Variants in TNFRSF8 observed in about 807,000 individuals in gnomAD.
The protein encoded by TNFRSF8 is tumor necrosis factor receptor superfamily member 8.
A neutral mutation model predicts 70.8 loss-of-function variants in TNFRSF8; 26 were observed. That is an observed-to-expected ratio of 0.37 (90% CI 0.27 to 0.51). TNFRSF8 has a LOEUF of 0.51. Ranked by LOEUF, TNFRSF8 falls within the 20% of genes least tolerant of loss-of-function variation. The pLI, the probability that TNFRSF8 is intolerant of heterozygous loss-of-function variation, is 0.94. For synonymous variants in TNFRSF8, 356 were observed against 339.2 expected, an observed-to-expected ratio of 1.05 and a Z score of -0.54; for missense variants, 720 against 807.9, an observed-to-expected ratio of 0.89 and a Z score of 1.32.
chr1:12,067,371 G>A (rs1640760390), intron 1 of TNFRSF8, among the ~76,000 whole-genome samples: 1 of 152,122 alleles, frequency 6.6e-6, no homozygotes, highest in Non-Finnish European at 1.5e-5. Context: ...GTGCAGGCTG[G>A]GACCAGGAAG....
intron 7 of TNFRSF8, among the ~76,000 whole-genome samples, chr1:12,114,173 C>T (rs571363122): frequency 1.3e-5 from 2 of 152,274 alleles, no homozygotes; most frequent in East Asian, 3.9e-4. Flanking sequence ...AGCCTATAAC[C>T]TCAAGCAGGT....
chr1:12,073,861 G>T (rs780351434), intron 1 of TNFRSF8, among the ~76,000 whole-genome samples: 1 of 152,062 alleles, frequency 6.6e-6, no homozygotes, highest in Non-Finnish European at 1.5e-5. Context: ...CTCCCAAAGT[G>T]CTGGGACTTC....
chr1:12,096,992 G>GT (rs1050167298), intron 2 of TNFRSF8, 109 bp from the exon 3 acceptor site: 1 of 770,788 alleles, frequency 1.3e-6, no homozygotes, highest in Non-Finnish European at 2.2e-6. Flanking sequence ...GTTTTCGGGG[G>GT]TTGGAGGTGG....
chr1:12,064,848 G>C (rs1276959062), intron 1 of TNFRSF8, among the ~76,000 whole-genome samples: 1 of 152,208 alleles, frequency 6.6e-6, no homozygotes, highest in Non-Finnish European at 1.5e-5. Context: ...TCACCTGGGG[G>C]AAGGTAAGAG....
intron 1 of TNFRSF8, among the ~76,000 whole-genome samples, chr1:12,069,376 A>G (rs1458174549): frequency 6.7e-6 from 1 of 149,494 alleles, no homozygotes; most frequent in East Asian, 2.0e-4. Context: ...ACGGGATTTC[A>G]CCATGTTAGC....
At chr1:12,114,795 G>A (rs1239093968) in intron 7 of TNFRSF8, among the ~76,000 whole-genome samples, 6 of 134,264 alleles carry the variant, frequency 4.5e-5, no homozygotes, top group African/African-American at 1.4e-4. Flanking sequence ...TGCAACCTCT[G>A]CCTCCCAGGT....
intron 3 of TNFRSF8, among the ~76,000 whole-genome samples, chr1:12,098,042 C>T (rs1641360386): frequency 6.6e-6 from 1 of 152,070 alleles, no homozygotes. Flanking sequence ...ATTTTTGCTT[C>T]ATATATGTCA....
intron 11 of TNFRSF8, 30 bp from the exon 12 acceptor site, chr1:12,126,153 C>A (rs200231463): frequency 1.1e-4 from 185 of 1,613,854 alleles, no homozygotes; most frequent in Middle Eastern, 3.3e-4. Flanking sequence ...GAGGCCGCCA[C>A]CCCCAGCCTT....
intron 4 of TNFRSF8, among the ~76,000 whole-genome samples, chr1:12,107,940 C>T (rs1243366817): frequency 3.9e-5 from 6 of 152,006 alleles, no homozygotes; most frequent in African/African-American, 7.3e-5. Context: ...GTAAATTGCC[C>T]GCGGAGACAG....
chr1:12,133,707 T>C (rs1642094188), intron 12 of TNFRSF8, among the ~76,000 whole-genome samples: 2 of 137,664 alleles, frequency 1.5e-5, no homozygotes, highest in Admixed American at 1.6e-4. Flanking sequence ...GCTGCTGCAC[T>C]TCACCCTGGC....
intron 3 of TNFRSF8, among the ~76,000 whole-genome samples, chr1:12,102,535 G>A (rs816044): frequency 0.016 from 2,494 of 152,080 alleles, 59 homozygotes; most frequent in African/African-American, 0.057. Context: ...GTTTTGTTTT[G>A]TTTTGTTTGA....
intron 4 of TNFRSF8, among the ~76,000 whole-genome samples, chr1:12,106,271 C>T (rs1346749112): frequency 6.6e-6 from 1 of 152,138 alleles, no homozygotes; most frequent in East Asian, 1.9e-4. Context: ...GCTTCTCTGT[C>T]CCACCCGCCC....
At position 12,142,350 on chromosome 1, in the gene TNFRSF8, A is replaced by G; in HGVS notation, c.1607A>G (p.Glu536Gly). The change falls in exon 15 of 15, where the codon GAG (glutamate) becomes GGG (glycine). Residue 536 changes from glutamate (E) to glycine (G), a missense_variant. By Grantham distance (98) the Glu-to-Gly change is moderately conservative. Transcript: ENST00000263932. The surrounding 1 kb of genome is among the most constrained non-coding windows in gnomAD (Gnocchi z 5.0). The stretch of plus-strand genomic sequence containing the variant: ...GGGACCGTGAAGGCTGAGCTGCCGG[A>G]GGGCCGGGGCCTGGCGGGGCCAGCA... ...IVGTVKAELP[E>G]GRGLAGPAEP... 1.2e-6 allele frequency: 2 copies of G among 1,607,996 alleles called. No homozygotes were observed. The highest frequency in any genetic ancestry group is 4.5e-5 in the East Asian group (2 of 44,734).
At position 12,112,583 on chromosome 1, in the gene TNFRSF8, T is replaced by TG. The variant is rs1288646289; in HGVS notation, c.793+574dup. 2.0e-5 allele frequency among the ~76,000 whole-genome samples: 3 copies of TG among 152,062 alleles called. No homozygotes were observed. The highest frequency in any genetic ancestry group is 3.9e-4 in the East Asian group (2 of 5,192). ...TAAAAAAAATTTTTTTTCATACAGATGGGGGTCTCACTATGTTGCCCAGGC... is the reference window on the plus strand; with the variant it reads ...TAAAAAAAATTTTTTTTCATACAGATGGGGGGTCTCACTATGTTGCCCAGGC... On this transcript the variant is annotated intron_variant, in intron 7 of 14. Coordinates refer to ENST00000263932, the MANE Select transcript of TNFRSF8 (RefSeq NM_001243.5). This position sits in a 1 kb window ranked among gnomAD's most constrained non-coding sequence, Gnocchi z 5.3.
chr1:12,105,740 C>T (rs543282453), intron 4 of TNFRSF8, among the ~76,000 whole-genome samples: 42 of 152,238 alleles, frequency 2.8e-4, no homozygotes, highest in African/African-American at 9.6e-4. Context: ...GAGTTCAAGA[C>T]CAGCCTGGCC....
At chr1:12,069,950 CA>C (rs1640813184) in intron 1 of TNFRSF8, among the ~76,000 whole-genome samples, 1 of 152,144 alleles carries the variant, frequency 6.6e-6, no homozygotes, top group Non-Finnish European at 1.5e-5. Context: ...CATCCAGGCC[CA>C]GGGGGTAAAA....
chr1:12,101,846 A>AT (rs573270650), intron 3 of TNFRSF8, among the ~76,000 whole-genome samples: 31 of 151,620 alleles, frequency 2.0e-4, no homozygotes, highest in South Asian at 6.3e-4. Flanking sequence ...TAATTTTTGT[A>AT]TTTTTTTTAG....
chr1:12,131,608 C>A (rs1570077498), intron 12 of TNFRSF8, among the ~76,000 whole-genome samples: 1 of 152,124 alleles, frequency 6.6e-6, no homozygotes, highest in African/African-American at 2.4e-5. Flanking sequence ...CAAGTGATCC[C>A]TCAGCCTCCC....
At chr1:12,080,397 G>A (rs557432125) in intron 1 of TNFRSF8, 33 of 525,614 alleles carry the variant, frequency 6.3e-5, no homozygotes, top group African/African-American at 5.9e-4. Flanking sequence ...TGTTTGCTCT[G>A]GTACTTGTTG....
Sources: gnomAD v4.1 joint callset for allele counts (sites outside exome capture counted in the v4.1 genomes callset) on GRCh38, gnomAD v4.1.1 for gene constraint, Gnocchi (gnomAD v3.1) non-coding constraint, MANE v1.5 for transcripts, NCBI Gene and HGNC (gene_info 2026-07-23, HGNC 2026-07-21) for gene names.